Variants in GSTT4 observed in about 807,000 individuals in gnomAD.
GSTT4 encodes the protein glutathione S-transferase theta-4.
At chr22:23,994,289 G>T (rs563965122), downstream of GSTT4, among the ~76,000 whole-genome samples, 1 of 151,818 alleles carries the variant, frequency 6.6e-6, no homozygotes, top group Non-Finnish European at 1.5e-5. Context: ...AATTCAATTG[G>T]TTTAAAGCCA....
chr22:23,997,240 T>G (rs1256533066), downstream of GSTT4, among the ~76,000 whole-genome samples: 3 of 151,958 alleles, frequency 2.0e-5, no homozygotes, highest in Non-Finnish European at 4.4e-5. Context: ...TTTTTTGAGA[T>G]AAGGTTCTTC....
rs1270958090 is a variant in GSTT4, at chr22:24,001,613, T to C, written c.201-288A>G. On this transcript the variant is annotated intron_variant, in intron 2 of 4. Coordinates refer to ENST00000621179, the MANE Select transcript of GSTT4 (RefSeq NM_001358664.2). ...ATGCTGAGGTGGGAGGATCACTTGA[T>C]CCCAGGAATTTGGGGCTACTGTGAG... Among the ~76,000 whole-genome samples, 3 of 152,252 alleles carry C rather than the reference T, an allele frequency of 2.0e-5. No homozygotes were observed. In the East Asian group the frequency reaches 5.8e-4, roughly 29 times the overall value.
At chr22:24,002,788 G>A (rs1008868917) in intron 2 of GSTT4, among the ~76,000 whole-genome samples, 4 of 33,634 alleles carry the variant, frequency 1.2e-4, no homozygotes, top group Middle Eastern at 0.022. Context: ...CCAAGATAGC[G>A]CCACTGCACT....
At chr22:23,993,655 C>T (rs929936945), downstream of GSTT4, among the ~76,000 whole-genome samples, 2 of 152,160 alleles carry the variant, frequency 1.3e-5, no homozygotes, top group African/African-American at 2.4e-5. Flanking sequence ...ACCCTGAGGA[C>T]CCTGTGACAT....
intron 2 of GSTT4, among the ~76,000 whole-genome samples, chr22:24,003,060 C>T (rs900587543): frequency 3.6e-4 from 55 of 152,380 alleles, no homozygotes; most frequent in African/African-American, 1.3e-3. Flanking sequence ...TTCTGAACTT[C>T]CTGGCCTCAA....
downstream of GSTT4, among the ~76,000 whole-genome samples, chr22:23,993,867 T>A (rs1433364358): frequency 6.6e-6 from 1 of 152,196 alleles, no homozygotes; most frequent in African/African-American, 2.4e-5. Flanking sequence ...CATGTTCTGA[T>A]ACCTGGGCCA....
chr22:24,001,561 AG>A (rs1233016241), intron 2 of GSTT4, among the ~76,000 whole-genome samples: 89 of 152,384 alleles, frequency 5.8e-4, no homozygotes, highest in African/African-American at 2.0e-3. Context: ...GTAGGCCAGC[AG>A]GGGGAACAAC....
At chr22:24,003,490 C>T (rs1310122272) in intron 2 of GSTT4, among the ~76,000 whole-genome samples, 26 of 152,378 alleles carry the variant, frequency 1.7e-4, no homozygotes, top group African/African-American at 5.5e-4. Flanking sequence ...GCTAGAATTA[C>T]AGGCATGAGC....
At chr22:23,990,439 G>A in the GSTT4 span, among the ~76,000 whole-genome samples, 3 of 50,478 alleles carry the variant, frequency 5.9e-5, 1 homozygote, top group African/African-American at 1.9e-4. Context: ...GCAAAATCAC[G>A]CGTCTACACA....
intron 4 of GSTT4, among the ~76,000 whole-genome samples, chr22:23,999,286 T>C (rs924246935): frequency 1.3e-5 from 2 of 152,042 alleles, no homozygotes; most frequent in African/African-American, 4.8e-5. Flanking sequence ...ACGAAGCATA[T>C]GGCTGAACCC....
intron 1 of GSTT4, chr22:24,004,961 G>C (rs917112165): frequency 4.6e-5 from 7 of 152,422 alleles, no homozygotes; most frequent in Admixed American, 4.6e-4. Flanking sequence ...TTGAGGTCAG[G>C]AGTTTGAGAC....
chr22:23,996,963 C>T (rs187821513), downstream of GSTT4, among the ~76,000 whole-genome samples: 57 of 152,082 alleles, frequency 3.7e-4, 2 homozygotes, highest in East Asian at 9.1e-3. Context: ...TGGTCCTGGG[C>T]TTTTCTTTGT....
At chr22:23,993,424 T>C (rs2146220863), downstream of GSTT4, among the ~76,000 whole-genome samples, 1 of 152,310 alleles carries the variant, frequency 6.6e-6, no homozygotes, top group South Asian at 2.1e-4. Flanking sequence ...GTTAGAAATA[T>C]ACTAACAGGC....
intron 1 of GSTT4, chr22:24,004,533 G>C (rs527535710): frequency 1.0e-4 from 16 of 153,594 alleles, no homozygotes; most frequent in Non-Finnish European, 2.0e-4. Flanking sequence ...CCTCACTCAG[G>C]GTTAGTGGAG....
chr22:24,002,657 C>A (rs1266144578), intron 2 of GSTT4, among the ~76,000 whole-genome samples: 1 of 125,842 alleles, frequency 7.9e-6, no homozygotes, highest in African/African-American at 2.7e-5. Flanking sequence ...AGTGAAACCC[C>A]GTCTCTACTA....
chr22:23,990,007 A>G, the GSTT4 span, among the ~76,000 whole-genome samples: 1 of 150,762 alleles, frequency 6.6e-6, no homozygotes, highest in Non-Finnish European at 1.5e-5. Context: ...GGGAAGAGTC[A>G]GCTGAGCAGG....
At chr22:24,000,447 CA>C (rs1175695135) in intron 3 of GSTT4, among the ~76,000 whole-genome samples, 196 bp from the exon 4 acceptor site, 2 of 144,976 alleles carry the variant, frequency 1.4e-5, no homozygotes, top group Non-Finnish European at 3.0e-5. Flanking sequence ...GGGAGCTCAG[CA>C]GGCATAAGTC....
chr22:23,996,620 A>G (rs1349981149), downstream of GSTT4, among the ~76,000 whole-genome samples: 1 of 152,196 alleles, frequency 6.6e-6, no homozygotes, highest in Admixed American at 6.5e-5. Flanking sequence ...TTCTATTAAC[A>G]TGGTATGCTA....
the GSTT4 span, among the ~76,000 whole-genome samples, chr22:23,992,965 G>C: frequency 7.8e-6 from 1 of 127,816 alleles, no homozygotes; most frequent in African/African-American, 2.9e-5. Context: ...TAGAGACGGG[G>C]TCGCACTTTG....
Sources: allele counts gnomAD v4.1 joint callset (sites outside exome capture counted in the v4.1 genomes callset), GRCh38; gene constraint gnomAD v4.1.1; transcripts MANE v1.5; gene names NCBI Gene and HGNC (gene_info 2026-07-23, HGNC 2026-07-21).